Variants in ARHGAP15 observed in about 807,000 individuals in gnomAD.
ARHGAP15 encodes Rho GTPase activating protein 15.
A neutral mutation model predicts 63.7 loss-of-function variants in ARHGAP15; 51 were observed. That is an observed-to-expected ratio of 0.80 (90% CI 0.64 to 1.01). The LOEUF (loss-of-function observed/expected upper bound fraction) is 1.01. ARHGAP15 is among the 50% of genes least tolerant of loss of function. ARHGAP15 has a pLI of 0.00. For synonymous variants in ARHGAP15, 191 were observed against 193.8 expected (o/e 0.99, Z 0.12); for missense variants, 560 against 564.6 (o/e 0.99, Z 0.08).
chr2:143,488,499 G>C (rs1692426007), intron 9 of ARHGAP15, among the ~76,000 whole-genome samples: 1 of 152,114 alleles, frequency 6.6e-6, no homozygotes, highest in Admixed American at 6.5e-5. Context: ...AAATTTTCTA[G>C]CTTATGTGTA....
intron 11 of ARHGAP15, among the ~76,000 whole-genome samples, chr2:143,618,783 T>TAC (rs1236471034): frequency 6.6e-6 from 1 of 151,924 alleles, no homozygotes; most frequent in African/African-American, 2.4e-5. Context: ...TGGTTATATA[T>TAC]ACCAATACCT....
chr2:143,236,476 TA>T (rs778725851), intron 5 of ARHGAP15: 2 of 152,172 alleles, frequency 1.3e-5, no homozygotes, highest in Non-Finnish European at 2.9e-5. Context: ...TTCTGAAAGA[TA>T]AAAAATGAAC....
At chr2:143,591,737 A>G (rs1697330349) in intron 11 of ARHGAP15, among the ~76,000 whole-genome samples, 1 of 150,984 alleles carries the variant, frequency 6.6e-6, no homozygotes, top group Admixed American at 6.6e-5. Context: ...CTCCTGCCTC[A>G]GCCTCCTGAG....
Position 143,703,478 on chromosome 2 carries a change from C to G in ARHGAP15, c.1198C>G (p.Pro400Ala). 6.2e-7 allele frequency: 1 copy of G among 1,612,824 alleles called. No homozygotes were observed. Among genetic ancestry groups the G allele is most frequent in the Non-Finnish European group, 8.5e-7 (1 of 1,179,482 alleles). Residue 400 changes from proline to alanine, a missense_variant, in exon 13 of 14, where the codon CCG becomes GCG. Coordinates refer to ENST00000295095, the MANE Select transcript of ARHGAP15 (RefSeq NM_018460.4). ...AVKSLVQKLP[P>A]PNRDTMKVLF... Reference sequence around the variant, plus strand: ...AAAATCTCTTGTACAAAAACTCCCTCCGCCAAATCGTGACACCATGAAAGT... The same window carrying G: ...AAAATCTCTTGTACAAAAACTCCCTGCGCCAAATCGTGACACCATGAAAGT...
chr2:143,397,437 A>T (rs563210719), intron 6 of ARHGAP15, among the ~76,000 whole-genome samples: 3 of 151,850 alleles, frequency 2.0e-5, no homozygotes, highest in African/African-American at 7.2e-5. Flanking sequence ...ACAATTTTTT[A>T]TGTAATTTTA....
chr2:143,377,821 A>ATG (rs1257529171), intron 6 of ARHGAP15, among the ~76,000 whole-genome samples: 1 of 152,086 alleles, frequency 6.6e-6, no homozygotes, highest in Non-Finnish European at 1.5e-5. Context: ...AGTCTTCTCA[A>ATG]TGTATTGCTC....
At chr2:143,241,483 A>G (rs1376790146) in intron 5 of ARHGAP15, among the ~76,000 whole-genome samples, 10 of 152,226 alleles carry the variant, frequency 6.6e-5, no homozygotes, top group Non-Finnish European at 1.5e-5. Context: ...GCAATAGAGT[A>G]TAGTGGTTAG....
At chr2:143,344,401 G>A (rs1685181901) in intron 6 of ARHGAP15, among the ~76,000 whole-genome samples, 1 of 152,008 alleles carries the variant, frequency 6.6e-6, no homozygotes, top group Non-Finnish European at 1.5e-5. Flanking sequence ...TTTGACCTAA[G>A]CCTTTAGTTA....
At chr2:143,265,855 G>A (rs1447446701) in intron 6 of ARHGAP15, among the ~76,000 whole-genome samples, 14 of 151,936 alleles carry the variant, frequency 9.2e-5, no homozygotes, top group South Asian at 2.1e-4. Flanking sequence ...GCTTCATAAC[G>A]CTAAGTCTGT....
At chr2:143,553,032 T>C (rs1695641042) in intron 10 of ARHGAP15, among the ~76,000 whole-genome samples, 1 of 152,162 alleles carries the variant, frequency 6.6e-6, no homozygotes, top group Admixed American at 6.5e-5. Context: ...CAATTTACAT[T>C]GGTTTGGTTT....
rs182096463 is a variant in ARHGAP15 at position 143,551,301 on chromosome 2, G to A, written c.926-5107G>A. Among the ~76,000 whole-genome samples the A allele has an allele frequency of 1.3e-4, 20 of 152,132 alleles. No homozygotes were observed. In the East Asian group the frequency reaches 2.7e-3, roughly 21 times the overall value. On this transcript the variant is annotated intron_variant, in intron 10 of 13. Transcript: ENST00000295095. ...TGAGTAGCTGGGACCACAGGCATGCGCCACCATGCCAGGCTAATTTTTAAA... is the reference window on the plus strand; with the variant it reads ...TGAGTAGCTGGGACCACAGGCATGCACCACCATGCCAGGCTAATTTTTAAA...
intron 12 of ARHGAP15, among the ~76,000 whole-genome samples, chr2:143,644,332 AC>A (rs1300930445): frequency 6.6e-6 from 1 of 152,060 alleles, no homozygotes; most frequent in East Asian, 1.9e-4. Context: ...AGGGCAGGAC[AC>A]CCATCACATC....
chr2:143,504,846 G>A (rs1693232381), intron 9 of ARHGAP15, among the ~76,000 whole-genome samples: 1 of 152,136 alleles, frequency 6.6e-6, no homozygotes, highest in Non-Finnish European at 1.5e-5. Context: ...CAGGGCTCCT[G>A]AGCCTGCAAA....
intron 13 of ARHGAP15, 86 bp downstream of exon 13, chr2:143,703,610 T>C (rs1684192198): frequency 9.8e-7 from 1 of 1,021,970 alleles, no homozygotes; most frequent in Admixed American, 2.5e-5. Context: ...AAGGCAAGAG[T>C]TTCCAAATGC....
At chr2:143,582,797 A>T (rs915083796) in intron 11 of ARHGAP15, among the ~76,000 whole-genome samples, 1 of 152,218 alleles carries the variant, frequency 6.6e-6, no homozygotes, top group African/African-American at 2.4e-5. Flanking sequence ...CATATAAAAC[A>T]CTTCTCATAC....
intron 8 of ARHGAP15, among the ~76,000 whole-genome samples, chr2:143,470,621 A>C (rs1490371826): frequency 1.3e-5 from 2 of 149,532 alleles, no homozygotes; most frequent in African/African-American, 4.9e-5. Context: ...ATGTGTATAT[A>C]TATACATATG....
chr2:143,753,474 T>C (rs776097183), intron 13 of ARHGAP15, among the ~76,000 whole-genome samples: 2 of 152,200 alleles, frequency 1.3e-5, no homozygotes, highest in African/African-American at 2.4e-5. Context: ...GTGATCACAG[T>C]TCTACGTACC....
At chr2:143,673,746 GTGTGTGTGTGTGTATATATATATATA>G (rs1682659056) in intron 12 of ARHGAP15, among the ~76,000 whole-genome samples, 1 of 29,678 alleles carries the variant, frequency 3.4e-5, no homozygotes, top group South Asian at 2.6e-3. Flanking sequence ...GTGTGTGTGT[GTGTGTGTGTGTGTATATATATATATA>G]TATATATATA....
intron 2 of ARHGAP15, among the ~76,000 whole-genome samples, chr2:143,177,947 G>A (rs950725316): frequency 3.3e-5 from 5 of 152,064 alleles, no homozygotes; most frequent in African/African-American, 1.2e-4. Flanking sequence ...CTTAATATGT[G>A]TTATTAAAAT....
Sources: allele counts gnomAD v4.1 joint callset (sites outside exome capture counted in the v4.1 genomes callset), GRCh38; gene constraint gnomAD v4.1.1; transcripts MANE v1.5; gene names NCBI Gene and HGNC (gene_info 2026-07-23, HGNC 2026-07-21).